Variants in NOD2 observed in about 807,000 individuals in gnomAD.
NOD2 encodes the protein nucleotide-binding oligomerization domain-containing protein 2.
A neutral mutation model predicts 90.9 loss-of-function variants in NOD2; 86 were observed. The observed-to-expected ratio is 0.95, with a 90% confidence interval of 0.79 to 1.13. The LOEUF (loss-of-function observed/expected upper bound fraction) is 1.13, where lower values mean the gene tolerates loss of function less well. Ranked by LOEUF, NOD2 falls within the 50% of genes most tolerant of loss-of-function variation. The pLI is 0.00. For synonymous variants in NOD2, 581 were observed against 554.6 expected (o/e 1.05, Z -0.67); for missense variants, 1,238 against 1,283.8 (o/e 0.96, Z 0.55).
At chr16:50,727,729 G>C (rs115809446) in intron 10 of NOD2, 1 of 355,320 alleles carries the variant, frequency 2.8e-6, no homozygotes, top group African/African-American at 2.1e-5. Flanking sequence ...GGGTGTTGTC[G>C]TGGAGAATTG....
chr16:50,698,226 G>A (rs1963752064), intron 1 of NOD2, among the ~76,000 whole-genome samples: 1 of 152,212 alleles, frequency 6.6e-6, no homozygotes, highest in Admixed American at 6.5e-5. Flanking sequence ...CATGCTGAGA[G>A]ATTTTCTTGG....
At chr16:50,722,562 G>GT in intron 7 of NOD2, 60 bp from the exon 8 acceptor site, 2 of 1,489,684 alleles carry the variant, frequency 1.3e-6, no homozygotes, top group South Asian at 2.3e-5. Context: ...GTTAGTTCAT[G>GT]TCTAGAACAC....
At position 50,712,091 on chromosome 16, in the gene NOD2, C is replaced by T. The variant is rs104895489; in HGVS notation, c.2099C>T (p.Pro700Leu). 54 of 1,613,730 alleles carry T rather than the reference C, an allele frequency of 3.3e-5. No homozygotes were observed. Among genetic ancestry groups the T allele is most frequent in the Admixed American group, 1.2e-4 (7 of 60,012 alleles). Residue 700 changes from proline (P) to leucine (L), a missense_variant, in exon 4 of 12, where the codon CCG (proline) becomes CTG (leucine). Pro to Leu is a moderately conservative substitution (Grantham distance 98, BLOSUM62 -3). Coordinates refer to ENST00000647318, the MANE Select transcript of NOD2 (RefSeq NM_001370466.1). ...TTCCACTCCATCCCGCCAGCTGCAC[C>T]GGGTGAGGCCAAGAGCGTGCATGCC... ...KHFHSIPPAA[P>L]GEAKSVHAMP...
chr16:50,705,222 G>A (rs552223531), intron 2 of NOD2, among the ~76,000 whole-genome samples: 10 of 152,142 alleles, frequency 6.6e-5, no homozygotes, highest in African/African-American at 2.4e-4. Flanking sequence ...CTTTTTTGTA[G>A]TATCTTACTC....
In NOD2 at chr16:50,717,674, A is replaced by G. The variant is rs866913780; in HGVS notation, c.2549+700A>G. Among the ~76,000 whole-genome samples, 10 of 152,362 alleles carry G rather than the reference A, an allele frequency of 6.6e-5. No homozygotes were observed. The South Asian group carries it at 1.7e-3, about 25-fold the overall frequency. Reference sequence around the variant, plus strand: ...CCGCCATTTTAAAATGGCGGGCCACATAGCTCAGTCTCGGCAAGGGCTACT... The same window carrying G: ...CCGCCATTTTAAAATGGCGGGCCACGTAGCTCAGTCTCGGCAAGGGCTACT... On this transcript the variant is annotated intron_variant, in intron 6 of 11. Coordinates refer to ENST00000647318, the MANE Select transcript of NOD2 (RefSeq NM_001370466.1).
intron 10 of NOD2, among the ~76,000 whole-genome samples, chr16:50,726,840 T>A (rs1965282557): frequency 6.6e-6 from 1 of 151,980 alleles, no homozygotes; most frequent in African/African-American, 2.4e-5. Context: ...CTGCCAAGAG[T>A]TGGTTGAGAG....
rs1483690901 is a variant in NOD2 at position 50,732,867 on chromosome 16, T to A, written c.*1048T>A. 1 of 152,396 alleles carries A rather than the reference T, an allele frequency of 6.6e-6. No homozygotes were observed. The highest frequency in any genetic ancestry group is 1.5e-5 in the Non-Finnish European group (1 of 68,050). 9.4% of individuals were successfully genotyped at this position (152,396 alleles called of 1,614,324 possible). ...CGTTCCTTCAAAGCAAATGTCTTCC[T>A]GGATTATTCAAAATGATGTATGTTG... On this transcript the variant is annotated 3_prime_UTR_variant, in exon 12 of 12. Transcript: ENST00000647318.
At chr16:50,693,701 G>A (rs1963514605) in intron 1 of NOD2, 39 bp downstream of exon 1, 1 of 152,366 alleles carries the variant, frequency 6.6e-6, no homozygotes, top group African/African-American at 2.4e-5. Flanking sequence ...GGGCTGGGGG[G>A]AGACTGTGGG....
At chr16:50,697,779 A>C in intron 1 of NOD2, 1 of 261,150 alleles carries the variant, frequency 3.8e-6, no homozygotes. Flanking sequence ...CCATCTGACC[A>C]GCACAGGGCC....
intron 2 of NOD2, among the ~76,000 whole-genome samples, chr16:50,700,206 G>A (rs116779994): frequency 1.2e-3 from 177 of 152,262 alleles, no homozygotes; most frequent in African/African-American, 4.1e-3. Flanking sequence ...ATAGCTCACT[G>A]TAGCCTTGAA....
rs145694647 is a variant in NOD2 at position 50,710,655 on chromosome 16, G to A, written c.663G>A (p.Leu221=). 9 of 1,614,166 alleles carry A rather than the reference G, an allele frequency of 5.6e-6. No homozygotes were observed. The highest frequency in any genetic ancestry group is 7.6e-6 in the Non-Finnish European group (9 of 1,180,022). Residue 221 remains leucine (L), a synonymous_variant, in exon 4 of 12, where the codon CTG becomes CTA. Transcript: ENST00000647318. ...STYDGAETLC[L]EDIYTENVLE... is the part of the protein sequence containing the mutation. ...ATGATGGAGCAGAGACGCTCTGCCT[G>A]GAGGACATATACACAGAGAATGTCC... is the stretch of plus-strand genomic sequence containing the variant.
rs752881716 is a variant in NOD2 at position 50,716,630 on chromosome 16, A to G, written c.2425A>G (p.Ile809Val). ...CTCAGACCGAGGCATCTGCAAGCTC[A>G]TTGAATGTGCTCTTCACTGCGAGCA... The part of the protein sequence containing the change: ...NISDRGICKL[I>V]ECALHCEQLQ... The change falls in exon 5 of 12, where the codon ATT (isoleucine) becomes GTT (valine). Residue 809 changes from isoleucine (I) to valine (V), a missense_variant. Around this residue, in one of 3 missense-constraint regions of NOD2, gnomAD observed 667 missense variants for 688.7 expected, o/e 0.97. Transcript: ENST00000647318. The G allele has an allele frequency of 6.2e-7, 1 of 1,614,166 alleles. No homozygotes were observed. Among genetic ancestry groups the G allele is most frequent in the Admixed American group, 1.7e-5 (1 of 60,028 alleles).
chr16:50,702,880 G>A (rs1964004731), intron 2 of NOD2, among the ~76,000 whole-genome samples: 1 of 152,124 alleles, frequency 6.6e-6, no homozygotes, highest in South Asian at 2.1e-4. Flanking sequence ...CATAAAATGT[G>A]GGGGCTTTGT....
chr16:50,725,142 G>A (rs573785274), intron 9 of NOD2, among the ~76,000 whole-genome samples: 82 of 152,338 alleles, frequency 5.4e-4, no homozygotes, highest in Middle Eastern at 3.4e-3. Context: ...CCACTTGTAT[G>A]TTGTTTGACC....
Position 50,711,976 on chromosome 16 carries a change from C to G in NOD2, c.1984C>G (p.Leu662Val). The change falls in exon 4 of 12, where the codon CTG becomes GTG. Residue 662 changes from leucine (L) to valine (V), a missense_variant. By Grantham distance (32) the Leu-to-Val change is conservative. Coordinates refer to ENST00000647318, the MANE Select transcript of NOD2 (RefSeq NM_001370466.1). ...GCTGTTGTCCCGGGAGCACTGGGGC[C>G]TGCTGGCTGAGTGCCAGACATCTGA... ...AGLLSREHWG[L>V]LAECQTSEKA... The G allele has an allele frequency of 6.2e-7, 1 of 1,613,422 alleles. No individual in the cohort carries two copies. Among genetic ancestry groups the G allele is most frequent in the Non-Finnish European group, 8.5e-7 (1 of 1,179,882 alleles).
At chr16:50,694,587 G>C (rs75925741) in intron 1 of NOD2, among the ~76,000 whole-genome samples, 3,077 of 152,294 alleles carry the variant, frequency 0.02, 40 homozygotes, top group Non-Finnish European at 0.027. Context: ...ATGCCCAGTG[G>C]TGGGGAGCTT....
At chr16:50,714,866 A>C (rs1266937263) in intron 4 of NOD2, among the ~76,000 whole-genome samples, 1 of 152,020 alleles carries the variant, frequency 6.6e-6, no homozygotes, top group African/African-American at 2.4e-5. Context: ...AGTTTTTTGA[A>C]TGTTACCCAC....
intron 8 of NOD2, 109 bp from the exon 9 acceptor site, chr16:50,723,192 T>C: frequency 1.2e-6 from 1 of 804,380 alleles, no homozygotes; most frequent in East Asian, 2.7e-5. Flanking sequence ...TAGTGATGTC[T>C]GAAATGGAGC....
At chr16:50,712,445 T>C in intron 4 of NOD2, 72 bp downstream of exon 4, 1 of 1,596,144 alleles carries the variant, frequency 6.3e-7, no homozygotes, top group Non-Finnish European at 8.5e-7. Flanking sequence ...AGCACCGAGC[T>C]GGGCTCTAGA....
Sources: allele counts gnomAD v4.1 joint callset (sites outside exome capture counted in the v4.1 genomes callset), GRCh38; gene constraint gnomAD v4.1.1; regional missense constraint gnomAD v4.1.1; transcripts MANE v1.5; gene names NCBI Gene and HGNC (gene_info 2026-07-23, HGNC 2026-07-21).